The following HMGA2 variants were observed in gnomAD, a reference collection of about 807,000 sequenced individuals.
HMGA2 encodes high mobility group protein HMGI-C.
Under a neutral mutation model 19.1 loss-of-function variants are expected in HMGA2, and 8 were observed. The ratio of observed to expected loss-of-function variants is 0.42; its 90% CI spans 0.25 to 0.76. The LOEUF (loss-of-function observed/expected upper bound fraction) is 0.76. HMGA2 is among the 30% of genes least tolerant of loss of function. The probability of loss-of-function intolerance (pLI) is 0.28; values close to 1 mark genes in which losing one functional copy is unlikely to be tolerated. For missense variants in HMGA2, 109 were observed against 136.3 expected (o/e 0.80, Z 1.00); for synonymous variants, 60 against 48.8 (o/e 1.23, Z -0.96).
At chr12:65,855,091 A>G (rs1871663574) in intron 3 of HMGA2, among the ~76,000 whole-genome samples, 1 of 152,244 alleles carries the variant, frequency 6.6e-6, no homozygotes, top group Non-Finnish European at 1.5e-5. Context: ...CTGAAGGCAC[A>G]TACAACAGGC....
At chr12:65,859,064 T>TA (rs1871905014) in intron 3 of HMGA2, 1 of 152,362 alleles carries the variant, frequency 6.6e-6, no homozygotes, top group Admixed American at 6.5e-5. Flanking sequence ...GCACTGGCTA[T>TA]AAGCCAGACT....
chr12:65,899,448 G>A (rs569275107), intron 3 of HMGA2, among the ~76,000 whole-genome samples: 2 of 152,174 alleles, frequency 1.3e-5, no homozygotes, highest in South Asian at 2.1e-4. Flanking sequence ...CAGGACACAC[G>A]CACTTTGGAA....
In HMGA2 at chr12:65,825,249, G is replaced by A. The variant is rs866070358; in HGVS notation, c.-22G>A. ...GTCGAGGCGAAGCGGCTGCAGCGGC[G>A]GTAGCGGCGGCGGGAGGCAGGATGA... On this transcript the variant is annotated 5_prime_UTR_variant, in exon 1 of 5. Transcript: ENST00000403681. The surrounding 1 kb of genome is among the most constrained non-coding windows in gnomAD (Gnocchi z 4.4). 12 of 1,521,122 alleles carry A rather than the reference G, an allele frequency of 7.9e-6. No individual in the cohort carries two copies. Among genetic ancestry groups the A allele is most frequent in the Admixed American group, 2.0e-5 (1 of 50,354 alleles). 94.2% of individuals were successfully genotyped at this position (1,521,122 alleles called of 1,614,324 possible).
intron 3 of HMGA2, among the ~76,000 whole-genome samples, chr12:65,888,921 G>A (rs1357880105): frequency 6.6e-6 from 1 of 151,916 alleles, no homozygotes; most frequent in Admixed American, 6.6e-5. Flanking sequence ...CCACCCTCCC[G>A]TTAGAGATGC....
intron 3 of HMGA2, among the ~76,000 whole-genome samples, chr12:65,908,161 G>C (rs1450704432): frequency 6.6e-6 from 1 of 152,126 alleles, no homozygotes; most frequent in Non-Finnish European, 1.5e-5. Context: ...TTTTCATGGT[G>C]AGTTATGGTA....
At chr12:65,942,225 C>T (rs1051445810) in intron 3 of HMGA2, among the ~76,000 whole-genome samples, 6 of 152,132 alleles carry the variant, frequency 3.9e-5, no homozygotes, top group Admixed American at 6.6e-5. Flanking sequence ...TAGGCTATAG[C>T]ATCTGTGCAT....
intron 3 of HMGA2, among the ~76,000 whole-genome samples, chr12:65,901,542 C>T (rs1354447005): frequency 6.6e-6 from 1 of 152,108 alleles, no homozygotes; most frequent in Non-Finnish European, 1.5e-5. Flanking sequence ...GATAGAATTA[C>T]AAAAACTGAT....
intron 3 of HMGA2, among the ~76,000 whole-genome samples, chr12:65,911,788 C>A (rs1874856092): frequency 6.6e-6 from 1 of 152,170 alleles, no homozygotes; most frequent in Non-Finnish European, 1.5e-5. Flanking sequence ...AGAACCAGAG[C>A]ATCCGTGTAG....
intron 3 of HMGA2, among the ~76,000 whole-genome samples, chr12:65,838,992 C>CTTTTTTTTTTTTTT (rs1565703147): frequency 3.4e-5 from 3 of 89,442 alleles, no homozygotes; most frequent in Admixed American, 9.9e-5. Flanking sequence ...CTTTCTTTTT[C>CTTTTTTTTTTTTTT]TTTTTCTTTT....
chr12:65,843,682 A>ACACACACACACACACAAG (rs1555180910), intron 3 of HMGA2, among the ~76,000 whole-genome samples: 3 of 151,904 alleles, frequency 2.0e-5, no homozygotes, highest in African/African-American at 7.3e-5. Context: ...ACACACACAC[A>ACACACACACACACACAAG]CACACACACA....
chr12:65,947,083 C>T (rs1876291966), intron 3 of HMGA2, among the ~76,000 whole-genome samples: 1 of 151,654 alleles, frequency 6.6e-6, no homozygotes. Flanking sequence ...TTAAGCTTCA[C>T]GTGGTATGTT....
At chr12:65,836,346 G>A (rs1333857314) in intron 2 of HMGA2, among the ~76,000 whole-genome samples, 3 of 149,410 alleles carry the variant, frequency 2.0e-5, no homozygotes, top group Non-Finnish European at 3.0e-5. Context: ...GCGACAGAGC[G>A]AGACTCCGTC....
chr12:65,962,974 T>C (rs1030891813), intron 4 of HMGA2, among the ~76,000 whole-genome samples: 4 of 152,182 alleles, frequency 2.6e-5, no homozygotes, highest in African/African-American at 9.7e-5. Context: ...TGACATTCTC[T>C]GGACAGCAAA....
intron 3 of HMGA2, among the ~76,000 whole-genome samples, chr12:65,950,192 G>T (rs1163554500): frequency 1.3e-5 from 2 of 152,190 alleles, no homozygotes; most frequent in Non-Finnish European, 2.9e-5. Context: ...ATGAACCAGC[G>T]ATTCCACTCC....
In HMGA2 at chr12:65,894,000, G is replaced by A. The variant is rs141793731; in HGVS notation, c.249+55431G>A. 2.7e-3 allele frequency among the ~76,000 whole-genome samples: 407 copies of A among 152,208 alleles called. 4 individuals carry two copies. The highest frequency in any genetic ancestry group is 9.1e-3 in the African/African-American group (377 of 41,526). On this transcript the variant is annotated intron_variant, in intron 3 of 4. Transcript: ENST00000403681. ...TACTATAAAGAAATGATACATAGAG[G>A]GGAGTAAAAACTTGTCTAGCTAACA...
At chr12:65,949,276 T>A (rs1876374042) in intron 3 of HMGA2, among the ~76,000 whole-genome samples, 1 of 150,686 alleles carries the variant, frequency 6.6e-6, no homozygotes, top group South Asian at 2.1e-4. Context: ...ATTCTGTCCA[T>A]CTAAAAAAAA....
At chr12:65,949,343 C>G (rs943549021) in intron 3 of HMGA2, among the ~76,000 whole-genome samples, 1 of 151,406 alleles carries the variant, frequency 6.6e-6, no homozygotes, top group Non-Finnish European at 1.5e-5. Flanking sequence ...AACCACTGTA[C>G]CACTGAGAGG....
chr12:65,927,831 C>G (rs984664304), intron 3 of HMGA2, among the ~76,000 whole-genome samples: 4 of 145,130 alleles, frequency 2.8e-5, no homozygotes, highest in East Asian at 4.0e-4. Context: ...CTCTTTGTAT[C>G]TGTGTGTGTG....
At position 65,964,311 on chromosome 12, in the gene HMGA2, ATC is replaced by A. The variant is rs1472616095; in HGVS notation, c.*1027_*1028del. On this transcript the variant is annotated 3_prime_UTR_variant, in exon 5 of 5. Coordinates refer to ENST00000403681, the MANE Select transcript of HMGA2 (RefSeq NM_003483.6). ...AGCAAAAAAAAAAAAGGGGGGGGCAATCTCTCTCTGTGTCTTTCTCTCTCTCT... is the reference window on the plus strand; with the variant it reads ...AGCAAAAAAAAAAAAGGGGGGGGCAATCTCTCTGTGTCTTTCTCTCTCTCT... 1 of 210,938 alleles carries A rather than the reference ATC, an allele frequency of 4.7e-6. No homozygotes were observed. Among genetic ancestry groups the A allele is most frequent in the African/African-American group, 2.3e-5 (1 of 43,594 alleles). The allele number at this position is 210,938 out of a possible 1,614,324, so 13.1% of individuals were successfully genotyped here.
Sources: allele counts gnomAD v4.1 joint callset (sites outside exome capture counted in the v4.1 genomes callset), GRCh38; gene constraint gnomAD v4.1.1; non-coding constraint Gnocchi (gnomAD v3.1); transcripts MANE v1.5; gene names NCBI Gene and HGNC (gene_info 2026-07-23, HGNC 2026-07-21).